SH3PXD2B: variants seen among roughly 807,000 people sequenced by gnomAD.
SH3PXD2B encodes SH3 and PX domains 2B.
Under a neutral mutation model 73.1 loss-of-function variants are expected in SH3PXD2B, and 37 were observed. The observed-to-expected ratio is 0.51, with a 90% CI of 0.39 to 0.67. The LOEUF is 0.67. Ranked by LOEUF, SH3PXD2B falls within the 30% of genes least tolerant of loss-of-function variation. The pLI is 0.00. For missense variants in SH3PXD2B, 1,053 were observed against 1,197.8 expected (o/e 0.88, Z 1.78); for synonymous variants, 457 against 480.5 (o/e 0.95, Z 0.64).
At chr5:172,439,677 TGCGC>T (rs140085322) in intron 1 of SH3PXD2B, among the ~76,000 whole-genome samples, 19,292 of 121,500 alleles carry the variant, frequency 0.16, 2,079 homozygotes, top group African/African-American at 0.33. Flanking sequence ...TGTGCGTGCG[TGCGC>T]GCACGCGCGC....
chr5:172,393,428 G>T (rs10476022), intron 4 of SH3PXD2B, among the ~76,000 whole-genome samples: 6,962 of 152,142 alleles, frequency 0.046, 513 homozygotes, highest in African/African-American at 0.15. Flanking sequence ...TAAACTCATT[G>T]ATTTGTCCTA....
chr5:172,439,250 AG>A (rs200229544), intron 1 of SH3PXD2B, among the ~76,000 whole-genome samples: 49,035 of 120,112 alleles, frequency 0.41, 10,032 homozygotes, highest in African/African-American at 0.44. Flanking sequence ...AAAAAAAAAA[AG>A]AAAAAAAAAA....
chr5:172,430,970 G>A (rs947670385), intron 1 of SH3PXD2B, among the ~76,000 whole-genome samples: 4 of 151,986 alleles, frequency 2.6e-5, no homozygotes, highest in East Asian at 1.9e-4. Flanking sequence ...GGGTTCAAGC[G>A]ATTCTCATTC....
chr5:172,433,510 G>A (rs756462365), intron 1 of SH3PXD2B, among the ~76,000 whole-genome samples: 3 of 152,164 alleles, frequency 2.0e-5, no homozygotes, highest in Admixed American at 1.3e-4. Flanking sequence ...AAAGAAACCT[G>A]TCTGTGGGGC....
intron 2 of SH3PXD2B, among the ~76,000 whole-genome samples, chr5:172,408,453 C>T (rs1227830928): frequency 6.6e-6 from 1 of 151,176 alleles, no homozygotes; most frequent in African/African-American, 2.4e-5. Flanking sequence ...GTATTTTGTA[C>T]AGATGGCTTT....
At chr5:172,443,218 C>A (rs1347889965) in intron 1 of SH3PXD2B, among the ~76,000 whole-genome samples, 1 of 152,200 alleles carries the variant, frequency 6.6e-6, no homozygotes, top group Non-Finnish European at 1.5e-5. Context: ...GGCATCCACG[C>A]AACGACTGTC....
intron 5 of SH3PXD2B, among the ~76,000 whole-genome samples, chr5:172,377,286 C>T (rs184042568): frequency 6.2e-4 from 94 of 152,272 alleles, no homozygotes; most frequent in African/African-American, 2.0e-3. Context: ...CTAGGAAAGA[C>T]GCCCAAAGTC....
chr5:172,403,614 A>G (rs1353061174), intron 3 of SH3PXD2B, among the ~76,000 whole-genome samples: 2 of 152,224 alleles, frequency 1.3e-5, no homozygotes, highest in Admixed American at 1.3e-4. Flanking sequence ...AAAGCTTTTA[A>G]GAGCTTGGGA....
At chr5:172,382,659 C>A (rs1757975796) in intron 4 of SH3PXD2B, among the ~76,000 whole-genome samples, 1 of 152,088 alleles carries the variant, frequency 6.6e-6, no homozygotes, top group South Asian at 2.1e-4. Flanking sequence ...TCAGACCATA[C>A]TGTACATGCT....
At chr5:172,387,018 C>T (rs1014230296) in intron 4 of SH3PXD2B, among the ~76,000 whole-genome samples, 1 of 152,110 alleles carries the variant, frequency 6.6e-6, no homozygotes, top group Non-Finnish European at 1.5e-5. Flanking sequence ...AGGCAGCAAG[C>T]CAGTCTCATA....
chr5:172,374,376 A>G (rs543927317), intron 5 of SH3PXD2B, among the ~76,000 whole-genome samples: 5 of 152,232 alleles, frequency 3.3e-5, no homozygotes, highest in African/African-American at 1.2e-4. Context: ...CACCCGTGTC[A>G]GAGTTTATAA....
chr5:172,343,326 T>G (rs1469725526), intron 12 of SH3PXD2B, among the ~76,000 whole-genome samples: 1 of 152,132 alleles, frequency 6.6e-6, no homozygotes, highest in Non-Finnish European at 1.5e-5. Context: ...AATACTTAAG[T>G]CTGTATGTGA....
chr5:172,441,559 C>A (rs999428182), intron 1 of SH3PXD2B, among the ~76,000 whole-genome samples: 3 of 152,178 alleles, frequency 2.0e-5, no homozygotes, highest in Non-Finnish European at 4.4e-5. Flanking sequence ...ACACCCTAGA[C>A]GATGATGAAC....
At chr5:172,419,304 G>A (rs1438021752) in intron 2 of SH3PXD2B, among the ~76,000 whole-genome samples, 2 of 151,742 alleles carry the variant, frequency 1.3e-5, no homozygotes, top group South Asian at 2.1e-4. Flanking sequence ...ATTTGCATAA[G>A]CACTTCCAGG....
intron 1 of SH3PXD2B, among the ~76,000 whole-genome samples, chr5:172,439,267 AAACAAAAACAAAACAAAAAAAAAACCCC>A (rs1759478195): frequency 1.6e-4 from 10 of 62,862 alleles, no homozygotes; most frequent in African/African-American, 6.4e-4. Context: ...AAAAAAACAA[AAACAAAAACAAAACAAAAAAAAAACCCC>A]AAAAAAAAAC....
chr5:172,452,984 C>A (rs1259741237), intron 1 of SH3PXD2B, among the ~76,000 whole-genome samples: 2 of 152,164 alleles, frequency 1.3e-5, no homozygotes, highest in East Asian at 3.9e-4. Context: ...ACTGGCTGCC[C>A]AGCCAATAAC....
At chr5:172,432,512 C>T (rs541033461) in intron 1 of SH3PXD2B, among the ~76,000 whole-genome samples, 5 of 152,268 alleles carry the variant, frequency 3.3e-5, no homozygotes, top group African/African-American at 1.2e-4. Context: ...AATTTTTCAC[C>T]GCTCTGCACG....
At chr5:172,362,586 C>A in intron 7 of SH3PXD2B, 149 bp downstream of exon 7, 2 of 1,087,740 alleles carry the variant, frequency 1.8e-6, no homozygotes, top group South Asian at 1.3e-5. Context: ...AGTGATCAAA[C>A]AGGGGCCTCT....
At chr5:172,345,214 T>C (rs1400799627) in intron 12 of SH3PXD2B, among the ~76,000 whole-genome samples, 1 of 151,614 alleles carries the variant, frequency 6.6e-6, no homozygotes, top group Non-Finnish European at 1.5e-5. Context: ...TAAAGAGGTA[T>C]GCTGGAGTGA....
Sources: allele counts gnomAD v4.1 joint callset (sites outside exome capture counted in the v4.1 genomes callset), GRCh38; gene constraint gnomAD v4.1.1; transcripts MANE v1.5; gene names NCBI Gene and HGNC (gene_info 2026-07-23, HGNC 2026-07-21).